SCML4: variants seen among roughly 807,000 people sequenced by gnomAD.
The protein encoded by SCML4 is sex comb on midleg-like protein 4.
A neutral mutation model predicts 41.1 loss-of-function variants in SCML4; 34 were observed. That is an observed-to-expected ratio of 0.83 (90% CI 0.63 to 1.10). The LOEUF is 1.10. Among genes scored for constraint, SCML4 ranks in the 50% least tolerant of loss-of-function variants. The pLI, the probability that SCML4 is intolerant of heterozygous loss-of-function variation, is 0.00. For synonymous variants in SCML4, 214 were observed against 220.9 expected, an observed-to-expected ratio of 0.97 and a Z score of 0.28; for missense variants, 522 against 534.1, an observed-to-expected ratio of 0.98 and a Z score of 0.22.
chr6:107,756,202 G>T (rs912210930), intron 2 of SCML4, among the ~76,000 whole-genome samples: 18 of 152,126 alleles, frequency 1.2e-4, no homozygotes, highest in African/African-American at 4.3e-4. Flanking sequence ...GTACAGTAAG[G>T]AAATGAAGGG....
intron 1 of SCML4, among the ~76,000 whole-genome samples, chr6:107,799,470 T>G (rs1782944547): frequency 6.6e-6 from 1 of 152,192 alleles, no homozygotes; most frequent in Non-Finnish European, 1.5e-5. Flanking sequence ...GTCTGTCTCT[T>G]GTAGCCAACA....
intron 7 of SCML4, 81 bp downstream of exon 7, chr6:107,707,785 T>TC: frequency 6.6e-7 from 1 of 1,525,082 alleles, no homozygotes. Flanking sequence ...CCTGGCAGCA[T>TC]CCCGCAGCTC....
At chr6:107,761,126 A>C (rs142833308) in intron 2 of SCML4, among the ~76,000 whole-genome samples, 71 of 152,316 alleles carry the variant, frequency 4.7e-4, no homozygotes, top group Non-Finnish European at 7.8e-4. Flanking sequence ...AGTTTGAAAC[A>C]TAAGAGTTTC....
intron 2 of SCML4, among the ~76,000 whole-genome samples, chr6:107,759,132 C>CAAAAAAAAAAAAAAAAAAACCCTAA (rs1779344458): frequency 1.1e-5 from 1 of 88,218 alleles, no homozygotes; most frequent in Non-Finnish European, 2.1e-5. Context: ...ACAAAAAATA[C>CAAAAAAAAAAAAAAAAAAACCCTAA]AAAAAAAAAA....
Position 107,746,840 on chromosome 6 carries a change from C to T in SCML4, c.336G>A (p.Arg112=). 6.2e-7 allele frequency: 1 copy of T among 1,614,082 alleles called. No homozygotes were observed. Among genetic ancestry groups the T allele is most frequent in the Non-Finnish European group, 8.5e-7 (1 of 1,179,990 alleles). The change falls in exon 4 of 8, where the codon AGG becomes AGA. Residue 112 remains arginine, a synonymous_variant. Coordinates refer to ENST00000369020, the MANE Select transcript of SCML4 (RefSeq NM_198081.5). ...KQANAGPYLE[R]KKVQQLPEHF... ...GCTCCGGGAGCTGCTGCACCTTCTT[C>T]CTCTCCAGATAGGGCCCCGCATTGG...
At chr6:107,773,547 G>A (rs369336171) in intron 1 of SCML4, among the ~76,000 whole-genome samples, 3 of 130,288 alleles carry the variant, frequency 2.3e-5, no homozygotes, top group East Asian at 2.3e-4. Flanking sequence ...AGCTGAGATC[G>A]CACCACTACA....
At chr6:107,797,307 C>G (rs904042268) in intron 1 of SCML4, among the ~76,000 whole-genome samples, 2 of 151,990 alleles carry the variant, frequency 1.3e-5, no homozygotes, top group African/African-American at 2.4e-5. Flanking sequence ...TTGAGTTTGT[C>G]TTAGAAATAT....
chr6:107,760,176 ATTTGAAGTCCTG>A (rs557320152), intron 2 of SCML4, among the ~76,000 whole-genome samples: 204 of 152,346 alleles, frequency 1.3e-3, no homozygotes, highest in African/African-American at 4.5e-3. Flanking sequence ...ATTCTAAATT[ATTTGAAGTCCTG>A]TTTCTGGTAA....
intron 6 of SCML4, among the ~76,000 whole-genome samples, chr6:107,717,179 G>A (rs1377916766): frequency 8.0e-6 from 1 of 124,876 alleles, no homozygotes; most frequent in African/African-American, 3.0e-5. Context: ...AAAAAGCCAG[G>A]TGTGGTGGCA....
At chr6:107,844,463 C>T in the SCML4 span, among the ~76,000 whole-genome samples, 1 of 152,136 alleles carries the variant, frequency 6.6e-6, no homozygotes, top group South Asian at 2.1e-4. Context: ...GCTGGAAGGC[C>T]GAGGCTGGAG....
chr6:107,830,045 T>C, the SCML4 span, among the ~76,000 whole-genome samples: 2 of 152,212 alleles, frequency 1.3e-5, no homozygotes, highest in East Asian at 1.9e-4. Flanking sequence ...CTGGAGCCCA[T>C]GTGGGGTGCT....
At position 107,719,875 on chromosome 6, in the gene SCML4, G is replaced by C. The variant is rs548072236; in HGVS notation, c.973+828C>G. The C allele has an allele frequency of 6.4e-5, 63 of 984,100 alleles. No individual in the cohort carries two copies. In the South Asian group the frequency reaches 2.5e-3, roughly 39 times the overall value. 61.0% of individuals were successfully genotyped at this position (984,100 alleles called of 1,614,324 possible). ...CAGTGATTATCCACTATACTCTATG[G>C]CCTTTAGGCACTATCAAAATACTGA... On this transcript the variant is annotated intron_variant, in intron 6 of 7. Coordinates refer to ENST00000369020, the MANE Select transcript of SCML4 (RefSeq NM_198081.5).
At chr6:107,760,630 C>T (rs1217824208) in intron 2 of SCML4, among the ~76,000 whole-genome samples, 1 of 152,134 alleles carries the variant, frequency 6.6e-6, no homozygotes, top group Non-Finnish European at 1.5e-5. Flanking sequence ...AAAGAAAACA[C>T]ATCATCTCTG....
chr6:107,803,167 C>G (rs1403427789), intron 1 of SCML4, among the ~76,000 whole-genome samples: 2 of 151,086 alleles, frequency 1.3e-5, no homozygotes, highest in Admixed American at 6.6e-5. Context: ...GCCGCCACCC[C>G]ATCTGGGAAG....
Position 107,796,439 on chromosome 6 carries a change from CT to C in SCML4, c.-59-24054del, listed in dbSNP as rs1195483244. Among the ~76,000 whole-genome samples, 7 of 152,140 alleles carry C rather than the reference CT, an allele frequency of 4.6e-5. No individual in the cohort carries two copies. The East Asian group carries it at 1.3e-3, about 29-fold the overall frequency. On this transcript the variant is annotated intron_variant, in intron 1 of 7. Transcript: ENST00000369020. ...ATGTGTATATTGGCTATTTACATAT[CT>C]TCTGTTTGAAATGGCTGTTCAAGTC...
At chr6:107,820,648 T>C (rs557240542) in intron 1 of SCML4, among the ~76,000 whole-genome samples, 5 of 152,244 alleles carry the variant, frequency 3.3e-5, no homozygotes, top group Non-Finnish European at 5.9e-5. Flanking sequence ...CTTGCCAGAA[T>C]TGAAACCAAG....
intron 1 of SCML4, among the ~76,000 whole-genome samples, chr6:107,800,570 A>T (rs1377123285): frequency 6.6e-6 from 1 of 152,184 alleles, no homozygotes; most frequent in East Asian, 1.9e-4. Context: ...TCTCAGCAAA[A>T]TTCAGAAAGG....
At chr6:107,714,976 TA>T (rs68115964) in intron 6 of SCML4, among the ~76,000 whole-genome samples, 65,777 of 128,058 alleles carry the variant, frequency 0.51, 19,342 homozygotes, top group Middle Eastern at 0.67. Context: ...ACAAACCCTT[TA>T]TTTTTTTTTT....
rs544454077 is a variant in SCML4 at position 107,777,876 on chromosome 6, G to T, written c.-59-5490C>A. Among the ~76,000 whole-genome samples the T allele has an allele frequency of 7.6e-4, 115 of 152,006 alleles. 1 individual carries two copies. The South Asian group carries it at 8.5e-3, about 11-fold the overall frequency. On this transcript the variant is annotated intron_variant, in intron 1 of 7. Coordinates refer to ENST00000369020, the MANE Select transcript of SCML4 (RefSeq NM_198081.5). ...AAGACCTTCAAAGACCTCAAATGCTGTCCAAAGATATTCTACCCATAGACA... is the reference window on the plus strand; with the variant it reads ...AAGACCTTCAAAGACCTCAAATGCTTTCCAAAGATATTCTACCCATAGACA...
Sources: gnomAD v4.1 joint callset for allele counts (sites outside exome capture counted in the v4.1 genomes callset) on GRCh38, gnomAD v4.1.1 for gene constraint, MANE v1.5 for transcripts, NCBI Gene and HGNC (gene_info 2026-07-23, HGNC 2026-07-21) for gene names.